The following SETD2 variants were observed in gnomAD, a reference collection of about 807,000 sequenced individuals.
The protein encoded by SETD2 is SET domain containing 2, histone lysine methyltransferase.
A neutral mutation model predicts 242.1 loss-of-function variants in SETD2; 31 were observed. The ratio of observed to expected loss-of-function variants is 0.13; its 90% CI spans 0.10 to 0.17. The LOEUF (loss-of-function observed/expected upper bound fraction) is 0.17, where lower values mean the gene tolerates loss of function less well. Among genes scored for constraint, SETD2 ranks in the 10% least tolerant of loss-of-function variants. SETD2 has a pLI of 1.00. For missense variants in SETD2, 2,481 were observed against 3,046.3 expected, an observed-to-expected ratio of 0.81 and a Z score of 4.37; for synonymous variants, 1,006 against 1,066.5, an observed-to-expected ratio of 0.94 and a Z score of 1.11.
chr3:47,057,626 C>T, intron 14 of SETD2, 136 bp from the exon 15 acceptor site: 5 of 629,896 alleles, frequency 7.9e-6, no homozygotes, highest in South Asian at 7.9e-5. Context: ...TACAACTATA[C>T]TCAAAATTAC....
chr3:47,020,984 T>C (rs1005233675), intron 18 of SETD2, among the ~76,000 whole-genome samples: 4 of 152,216 alleles, frequency 2.6e-5, no homozygotes, highest in Admixed American at 2.6e-4. Context: ...AATTTCTTCA[T>C]GTAGCTGTAT....
chr3:47,087,498 A>T (rs769379480), intron 10 of SETD2, among the ~76,000 whole-genome samples: 4 of 152,132 alleles, frequency 2.6e-5, no homozygotes, highest in Non-Finnish European at 5.9e-5. Context: ...CAGCAGGTGG[A>T]GCTCAGGCAG....
chr3:47,068,182 T>A (rs914540620), intron 12 of SETD2, among the ~76,000 whole-genome samples: 1 of 152,174 alleles, frequency 6.6e-6, no homozygotes, highest in African/African-American at 2.4e-5. Flanking sequence ...GGTGATATCA[T>A]CCCTTCAGAG....
chr3:47,053,380 T>C (rs1240898734), intron 15 of SETD2, among the ~76,000 whole-genome samples: 2 of 152,220 alleles, frequency 1.3e-5, no homozygotes, highest in East Asian at 1.9e-4. Flanking sequence ...GCAAAAGCCA[T>C]GACTACTTTT....
rs566457842 is a variant in SETD2, at chr3:47,084,552, G to A, written c.5398-170C>T. Among the ~76,000 whole-genome samples, 23 of 151,542 alleles carry A rather than the reference G, an allele frequency of 1.5e-4. 1 individual carries two copies. Among genetic ancestry groups the A allele is most frequent in the Admixed American group, 1.3e-3 (19 of 15,172 alleles). ...CAATTCTCCTGTCTCAGCCTCCCAA[G>A]TAGCTGGGAGTACAGGCGCTAGCTG... On this transcript the variant is annotated intron_variant, in intron 11 of 20. Coordinates refer to ENST00000409792, the MANE Select transcript of SETD2 (RefSeq NM_014159.7).
chr3:47,115,408 T>TA (rs1286564979), intron 4 of SETD2, among the ~76,000 whole-genome samples: 2 of 152,206 alleles, frequency 1.3e-5, no homozygotes, highest in African/African-American at 4.8e-5. Flanking sequence ...AGAATAATGC[T>TA]AACTCTATGT....
chr3:47,054,212 G>A (rs1480911555), intron 15 of SETD2, among the ~76,000 whole-genome samples: 2 of 152,134 alleles, frequency 1.3e-5, no homozygotes, highest in Admixed American at 6.5e-5. Context: ...TTCTTGATAG[G>A]GACAGAATGA....
intron 1 of SETD2, among the ~76,000 whole-genome samples, chr3:47,136,706 C>A (rs1346890982): frequency 6.6e-6 from 1 of 152,118 alleles, no homozygotes; most frequent in African/African-American, 2.4e-5. Flanking sequence ...GTAATCCCAG[C>A]ACTTTGGGAG....
At chr3:47,163,779 C>G (rs1481502884) in intron 1 of SETD2, 75 bp downstream of exon 1, 1 of 1,229,436 alleles carries the variant, frequency 8.1e-7, no homozygotes, top group Non-Finnish European at 1.0e-6. Flanking sequence ...CGCGCCGCCA[C>G]CCGTCAGGAC....
intron 18 of SETD2, among the ~76,000 whole-genome samples, chr3:47,032,269 T>C (rs747611172): frequency 2.6e-5 from 4 of 151,474 alleles, no homozygotes; most frequent in Non-Finnish European, 5.9e-5. Flanking sequence ...CCCAGCACTT[T>C]GGGAGGCCAC....
chr3:47,058,416 G>A (rs966904835), intron 14 of SETD2, among the ~76,000 whole-genome samples: 6 of 134,448 alleles, frequency 4.5e-5, no homozygotes, highest in African/African-American at 1.8e-4. Context: ...ACTCCAGCCT[G>A]GGCAACAGGG....
intron 18 of SETD2, among the ~76,000 whole-genome samples, chr3:47,021,327 C>A (rs1398488228): frequency 6.6e-6 from 1 of 152,084 alleles, no homozygotes; most frequent in Non-Finnish European, 1.5e-5. Context: ...GATCTGGGTC[C>A]TATAGAAGAG....
chr3:47,128,022 C>T (rs2043386236), intron 1 of SETD2, among the ~76,000 whole-genome samples: 1 of 152,010 alleles, frequency 6.6e-6, no homozygotes, highest in Admixed American at 6.5e-5. Flanking sequence ...CACAAAATAA[C>T]ATAGAATAAT....
At chr3:47,067,757 G>A (rs1030842743) in intron 12 of SETD2, among the ~76,000 whole-genome samples, 3 of 152,028 alleles carry the variant, frequency 2.0e-5, no homozygotes, top group Non-Finnish European at 2.9e-5. Flanking sequence ...CTTAGAGAAA[G>A]AAAAGGTTAA....
At chr3:47,046,859 CT>C (rs879652450) in intron 15 of SETD2, 14,893 of 219,794 alleles carry the variant, frequency 0.068, 10 homozygotes, top group Middle Eastern at 0.12. Context: ...AAAATAAAAG[CT>C]TTTTTTTTTT....
rs140120528 is a variant in SETD2, at chr3:47,120,341, T to C, written c.4295A>G (p.Glu1432Gly). The C allele has an allele frequency of 2.9e-5, 47 of 1,613,682 alleles. No individual in the cohort carries two copies. Among genetic ancestry groups the C allele is most frequent in the Non-Finnish European group, 4.0e-5 (47 of 1,179,884 alleles). The change falls in exon 3 of 21, where the codon GAG (glutamate) becomes GGG (glycine). Residue 1432 changes from glutamate (E) to glycine (G), a missense_variant. Around this residue, in one of 17 missense-constraint regions of SETD2, gnomAD observed 1,300 missense variants for 1,259.2 expected, o/e 1.03. Transcript: ENST00000409792. ...TGGGGGCACTGATGTCTCTCCCTGC[T>C]CTACCTCCACTCTAACTTTCTTTCT... ...QDRKKVRVEV[E>G]QGETSVPPGS...
chr3:47,163,868 C>G lies in SETD2; in HGVS notation c.57G>C (p.Glu19Asp). The stretch of plus-strand genomic sequence containing the variant: ...CTGATACTTACTCAGGGGTCGGGTG[C>G]TCCGGGTCGTAGAAATCCCCCATCT... Reference protein sequence around the residue: ...PPKMGDFYDPEHPTPEEEENE... With the variant: ...PPKMGDFYDPDHPTPEEEENE... The change falls in exon 1 of 21, where the codon GAG (glutamate) becomes GAC (aspartate). Residue 19 changes from glutamate to aspartate, a missense_variant. Glu to Asp is a conservative substitution (Grantham distance 45, BLOSUM62 2). Transcript: ENST00000409792. 1.5e-6 allele frequency: 2 copies of G among 1,314,920 alleles called. No homozygotes were observed. Among genetic ancestry groups the G allele is most frequent in the Non-Finnish European group, 1.9e-6 (2 of 1,025,776 alleles). 81.5% of individuals were successfully genotyped at this position (1,314,920 alleles called of 1,614,324 possible).
At chr3:47,031,006 T>A (rs2038741969) in intron 18 of SETD2, among the ~76,000 whole-genome samples, 1 of 152,202 alleles carries the variant, frequency 6.6e-6, no homozygotes. Flanking sequence ...GGCTACCTAC[T>A]GTAGCTAACT....
intron 1 of SETD2, among the ~76,000 whole-genome samples, chr3:47,150,874 C>T (rs920433239): frequency 2.0e-5 from 3 of 148,020 alleles, no homozygotes; most frequent in South Asian, 2.1e-4. Context: ...GAGCCGTGAT[C>T]GTGCCACTAC....
Sources: allele counts gnomAD v4.1 joint callset (sites outside exome capture counted in the v4.1 genomes callset), GRCh38; gene constraint gnomAD v4.1.1; regional missense constraint gnomAD v4.1.1; transcripts MANE v1.5; gene names NCBI Gene and HGNC (gene_info 2026-07-23, HGNC 2026-07-21).